The following TBX15 variants were observed in gnomAD, a reference collection of about 807,000 sequenced individuals.
The protein encoded by TBX15 is T-box transcription factor 15.
A neutral mutation model predicts 53.9 loss-of-function variants in TBX15; 18 were observed. That is an observed-to-expected ratio of 0.33 (90% CI 0.23 to 0.49). The LOEUF (loss-of-function observed/expected upper bound fraction) is 0.49. TBX15 is among the 20% of genes least tolerant of loss of function. TBX15 has a pLI of 0.98. For missense variants in TBX15, 692 were observed against 749.5 expected (o/e 0.92, Z 0.90); for synonymous variants, 295 against 278.0 (o/e 1.06, Z -0.61).
chr1:118,888,624 C>T (rs1253093504), intron 7 of TBX15, among the ~76,000 whole-genome samples: 2 of 152,186 alleles, frequency 1.3e-5, no homozygotes, highest in East Asian at 3.9e-4. Flanking sequence ...AACCTGACTC[C>T]AGCTGTAAAG....
At chr1:118,927,164 T>A (rs1471147311) in intron 2 of TBX15, among the ~76,000 whole-genome samples, 2 of 152,250 alleles carry the variant, frequency 1.3e-5, no homozygotes, top group Non-Finnish European at 2.9e-5. Context: ...CTACTATCTC[T>A]TCTTAACTTA....
At chr1:118,957,687 G>A (rs1656739200) in intron 1 of TBX15, among the ~76,000 whole-genome samples, 1 of 152,114 alleles carries the variant, frequency 6.6e-6, no homozygotes, top group African/African-American at 2.4e-5. Flanking sequence ...TGTTCTCATT[G>A]TTCCATTGCC....
chr1:118,924,581 C>T (rs1655532428), intron 4 of TBX15, 65 bp downstream of exon 4: 2 of 1,598,108 alleles, frequency 1.3e-6, no homozygotes, highest in Admixed American at 3.3e-5. Context: ...AAGACTGGGG[C>T]TAGCCAGCTC....
At chr1:118,953,817 A>G (rs1268449734) in intron 1 of TBX15, among the ~76,000 whole-genome samples, 1 of 152,234 alleles carries the variant, frequency 6.6e-6, no homozygotes. Context: ...ACATTATTTC[A>G]GCAGATCTGA....
chr1:118,932,970 G>T (rs1056989784), intron 1 of TBX15, among the ~76,000 whole-genome samples: 3 of 152,044 alleles, frequency 2.0e-5, no homozygotes, highest in Non-Finnish European at 4.4e-5. Context: ...AGTAAAGGCT[G>T]GAAACAAGTG....
chr1:118,946,783 A>T (rs1182348880), intron 1 of TBX15, among the ~76,000 whole-genome samples: 1 of 152,184 alleles, frequency 6.6e-6, no homozygotes, highest in Non-Finnish European at 1.5e-5. Context: ...AAGTTGGATA[A>T]ATTATAATCC....
chr1:118,957,059 G>C (rs1656717007), intron 1 of TBX15, among the ~76,000 whole-genome samples: 1 of 152,048 alleles, frequency 6.6e-6, no homozygotes, highest in African/African-American at 2.4e-5. Flanking sequence ...ATTCCGAATG[G>C]GTTCTCTAGT....
chr1:118,885,395 G>T lies in TBX15; in HGVS notation c.1146C>A (p.Phe382Leu). ...GCTGGCTTTCTCGGCAGCCCACATT[G>T]AAAGTGTTGGGGGCCAGATGAAAAG... Reference protein sequence around the residue: ...PPTFHLAPNTFNVGCRESQLC... With the variant: ...PPTFHLAPNTLNVGCRESQLC... The change falls in exon 8 of 8, where the codon TTC becomes TTA. Residue 382 changes from phenylalanine to leucine, a missense_variant. Phe to Leu is a conservative substitution (Grantham distance 22, BLOSUM62 0). This residue lies in a region of TBX15 where 375 missense variants were observed against 371.6 expected (regional missense o/e 1.01). Coordinates refer to ENST00000369429, the MANE Select transcript of TBX15 (RefSeq NM_001330677.2). 1 of 1,613,956 alleles carries T rather than the reference G, an allele frequency of 6.2e-7. No individual in the cohort carries two copies. The highest frequency in any genetic ancestry group is 8.5e-7 in the Non-Finnish European group (1 of 1,180,006).
chr1:118,966,035 G>T (rs543640223), intron 1 of TBX15, among the ~76,000 whole-genome samples: 1 of 152,124 alleles, frequency 6.6e-6, no homozygotes, highest in Admixed American at 6.6e-5. Flanking sequence ...ATTTTGGGCT[G>T]TTTGGATTTT....
At chr1:118,904,336 T>C (rs1237767610) in intron 6 of TBX15, among the ~76,000 whole-genome samples, 1 of 152,188 alleles carries the variant, frequency 6.6e-6, no homozygotes, top group African/African-American at 2.4e-5. Flanking sequence ...TCCATACTTC[T>C]TTCTCCTTCA....
intron 6 of TBX15, chr1:118,901,378 C>A (rs1654624752): frequency 2.2e-6 from 1 of 456,648 alleles, no homozygotes; most frequent in Non-Finnish European, 4.4e-6. Context: ...GCACAGCTCT[C>A]AGAGCCTAAT....
At chr1:118,885,891 C>T (rs1186523602) in intron 7 of TBX15, among the ~76,000 whole-genome samples, 1 of 152,212 alleles carries the variant, frequency 6.6e-6, no homozygotes, top group Non-Finnish European at 1.5e-5. Context: ...CTGATGTCAG[C>T]ATTAAAATCC....
At chr1:118,916,530 A>G (rs545389982) in intron 5 of TBX15, among the ~76,000 whole-genome samples, 11 of 152,304 alleles carry the variant, frequency 7.2e-5, no homozygotes, top group Non-Finnish European at 1.2e-4. Context: ...CAAAACCACA[A>G]TGAGATACCA....
At chr1:118,979,565 C>A (rs1217961507) in intron 1 of TBX15, among the ~76,000 whole-genome samples, 11 of 152,302 alleles carry the variant, frequency 7.2e-5, no homozygotes, top group African/African-American at 2.6e-4. Flanking sequence ...CCCCTCAGGG[C>A]GCGAGGTGTG....
At chr1:118,979,745 C>A (rs1294741598) in intron 1 of TBX15, among the ~76,000 whole-genome samples, 1 of 152,216 alleles carries the variant, frequency 6.6e-6, no homozygotes, top group African/African-American at 2.4e-5. Context: ...TAAGAACAGC[C>A]GCCATCCCTC....
intron 1 of TBX15, among the ~76,000 whole-genome samples, chr1:118,941,506 A>T (rs2101635918): frequency 6.6e-6 from 1 of 152,324 alleles, no homozygotes; most frequent in South Asian, 2.1e-4. Context: ...AAATCTACCC[A>T]ACTCACCATG....
chr1:118,917,644 C>T (rs149242865), intron 5 of TBX15, among the ~76,000 whole-genome samples: 130 of 152,278 alleles, frequency 8.5e-4, no homozygotes, highest in Non-Finnish European at 1.5e-3. Context: ...AAGAATAACA[C>T]ATATTCCAGA....
chr1:118,885,690 C>T (rs1653916321), intron 7 of TBX15, among the ~76,000 whole-genome samples, 174 bp from the exon 8 acceptor site: 1 of 151,758 alleles, frequency 6.6e-6, no homozygotes, highest in Non-Finnish European at 1.5e-5. Context: ...CACCTGTGGA[C>T]ATATACACAG....
chr1:118,988,050 T>G lies in TBX15; in HGVS notation c.-255A>C, dbSNP rs1657903860. On this transcript the variant is annotated 5_prime_UTR_variant, in exon 1 of 8. The change abolishes an upstream ATG in the 5' untranslated region. Transcript: ENST00000369429. ...CCCCGAGCGCCGCCCGCTCGCTGCATGAGCGCCCGAGTCCTGCTTCCCACC... is the reference window on the plus strand; with the variant it reads ...CCCCGAGCGCCGCCCGCTCGCTGCAGGAGCGCCCGAGTCCTGCTTCCCACC... The G allele has an allele frequency of 1.2e-5, 7 of 562,948 alleles. No homozygotes were observed. The highest frequency in any genetic ancestry group is 3.1e-5 in the Admixed American group (1 of 31,780). 34.9% of individuals were successfully genotyped at this position (562,948 alleles called of 1,614,324 possible). A position where few individuals can be genotyped will look rare whatever the true frequency, so the allele number is the denominator to read the frequency against.
Sources: gnomAD v4.1 joint callset for allele counts (sites outside exome capture counted in the v4.1 genomes callset) on GRCh38, gnomAD v4.1.1 for gene constraint, gnomAD v4.1.1 regional missense constraint, MANE v1.5 for transcripts, NCBI Gene and HGNC (gene_info 2026-07-23, HGNC 2026-07-21) for gene names.